CTNNA1: variants seen among roughly 807,000 people sequenced by gnomAD.
The protein encoded by CTNNA1 is catenin alpha-1.
A neutral mutation model predicts 98.4 loss-of-function variants in CTNNA1; 37 were observed. The observed-to-expected ratio is 0.38, with a 90% confidence interval of 0.29 to 0.49. The LOEUF is 0.49. Among genes scored for constraint, CTNNA1 ranks in the 20% least tolerant of loss-of-function variants. The probability of loss-of-function intolerance (pLI) is 0.95; values close to 1 mark genes in which losing one functional copy is unlikely to be tolerated. For missense variants in CTNNA1, 761 were observed against 1,147.2 expected, an observed-to-expected ratio of 0.66 and a Z score of 4.86; for synonymous variants, 404 against 413.2, an observed-to-expected ratio of 0.98 and a Z score of 0.27.
chr5:138,780,229 C>T (rs1444876505), intron 1 of CTNNA1, among the ~76,000 whole-genome samples: 3 of 151,646 alleles, frequency 2.0e-5, no homozygotes, highest in Admixed American at 1.3e-4. Flanking sequence ...CTTGCTCTTT[C>T]GCCCAGGCCG....
At chr5:138,928,048 G>A (rs573882172) in intron 13 of CTNNA1, among the ~76,000 whole-genome samples, 1 of 152,258 alleles carries the variant, frequency 6.6e-6, no homozygotes, top group East Asian at 1.9e-4. Flanking sequence ...CGTTCTTGGT[G>A]GTTCCAGAAT....
chr5:138,757,733 G>A (rs921955700), intron 1 of CTNNA1, among the ~76,000 whole-genome samples: 2 of 142,680 alleles, frequency 1.4e-5, no homozygotes, highest in African/African-American at 3.0e-5. Flanking sequence ...GAGAGTCTTA[G>A]TTCTTGTCTT....
chr5:138,812,575 G>GGTCTTTGT (rs540228237), intron 5 of CTNNA1, among the ~76,000 whole-genome samples: 120 of 152,194 alleles, frequency 7.9e-4, no homozygotes, highest in Middle Eastern at 3.4e-3. Context: ...AGAGGTAATA[G>GGTCTTTGT]GTCTTTGTGT....
intron 13 of CTNNA1, 139 bp from the exon 14 acceptor site, chr5:138,929,107 T>C (rs1764755255): frequency 3.1e-5 from 22 of 707,006 alleles, no homozygotes; most frequent in South Asian, 3.1e-4. Context: ...ATTTTGACTT[T>C]ATTCACCATA....
At chr5:138,784,877 C>G (rs1312551760) in intron 3 of CTNNA1, among the ~76,000 whole-genome samples, 1 of 151,982 alleles carries the variant, frequency 6.6e-6, no homozygotes, top group Non-Finnish European at 1.5e-5. Flanking sequence ...CCAAGTTTCC[C>G]TCTTCTTATA....
At position 138,886,377 on chromosome 5, in the gene CTNNA1, A is replaced by AT. The variant is rs935115923; in HGVS notation, c.1143+92dup. 103 of 1,352,844 alleles carry AT rather than the reference A, an allele frequency of 7.6e-5. 1 individual carries two copies. The highest frequency in any genetic ancestry group is 1.9e-4 in the Middle Eastern group (1 of 5,140). The allele number at this position is 1,352,844 out of a possible 1,614,324, so 83.8% of individuals were successfully genotyped here. On this transcript the variant is annotated intron_variant, in intron 8 of 17. Coordinates refer to ENST00000302763, the MANE Select transcript of CTNNA1 (RefSeq NM_001903.5). ...AAATCCTAATAAGCACTGGCCTTAT[A>AT]TTTTTTTATTGAGAGAAAGGATGGA...
intron 7 of CTNNA1, among the ~76,000 whole-genome samples, chr5:138,843,312 A>G (rs1762423402): frequency 6.6e-6 from 1 of 151,910 alleles, no homozygotes; most frequent in Admixed American, 6.6e-5. Flanking sequence ...GTTAGAAAAA[A>G]CTCATAATAA....
intron 14 of CTNNA1, among the ~76,000 whole-genome samples, chr5:138,930,029 CG>C (rs997602075): frequency 1.3e-5 from 2 of 152,150 alleles, no homozygotes; most frequent in Non-Finnish European, 2.9e-5. Context: ...TGAGTGCCAG[CG>C]GTATCTCTCA....
intron 3 of CTNNA1, among the ~76,000 whole-genome samples, chr5:138,789,736 G>A (rs950073385): frequency 2.0e-5 from 3 of 152,144 alleles, no homozygotes; most frequent in African/African-American, 7.2e-5. Flanking sequence ...GATTACAGGC[G>A]TGAGCCACCG....
At chr5:138,770,291 TC>T (rs1163558489) in intron 1 of CTNNA1, among the ~76,000 whole-genome samples, 1 of 152,184 alleles carries the variant, frequency 6.6e-6, no homozygotes, top group Non-Finnish European at 1.5e-5. Flanking sequence ...AGTCATTCAG[TC>T]TCATGGAAAC....
chr5:138,787,500 A>G (rs906498177), intron 3 of CTNNA1, among the ~76,000 whole-genome samples: 5 of 152,234 alleles, frequency 3.3e-5, no homozygotes, highest in Admixed American at 2.6e-4. Context: ...CAAGATATAA[A>G]GAAATGGTCA....
chr5:138,848,389 T>C (rs1762912561), intron 7 of CTNNA1, among the ~76,000 whole-genome samples: 1 of 152,244 alleles, frequency 6.6e-6, no homozygotes, highest in African/African-American at 2.4e-5. Flanking sequence ...CTTTAAGTCC[T>C]CTTTTTTTTG....
chr5:138,879,227 G>A (rs991060471), intron 7 of CTNNA1, among the ~76,000 whole-genome samples: 5 of 145,896 alleles, frequency 3.4e-5, no homozygotes, highest in South Asian at 2.2e-4. Context: ...CCTAGATGTT[G>A]TGTGTCTTAT....
intron 9 of CTNNA1, among the ~76,000 whole-genome samples, chr5:138,895,183 T>G (rs934578072): frequency 7.2e-5 from 11 of 152,130 alleles, no homozygotes; most frequent in African/African-American, 2.4e-4. Flanking sequence ...TAATAAACAT[T>G]AGAGTTGCCC....
intron 3 of CTNNA1, among the ~76,000 whole-genome samples, chr5:138,792,533 A>T (rs1192113128): frequency 1.3e-5 from 2 of 152,208 alleles, no homozygotes; most frequent in Non-Finnish European, 1.5e-5. Context: ...AGGAGGCAGA[A>T]TGGAATCTGG....
At chr5:138,883,925 T>A (rs565832505) in intron 7 of CTNNA1, among the ~76,000 whole-genome samples, 1 of 152,342 alleles carries the variant, frequency 6.6e-6, no homozygotes, top group African/African-American at 2.4e-5. Context: ...TGCCAGTAAA[T>A]AATTGCACGT....
chr5:138,867,812 G>C (rs1428895097), intron 7 of CTNNA1, among the ~76,000 whole-genome samples: 1 of 151,056 alleles, frequency 6.6e-6, no homozygotes, highest in Non-Finnish European at 1.5e-5. Flanking sequence ...GAGTGCAGTG[G>C]CATGATCTCA....
At chr5:138,909,360 A>G (rs896816160) in intron 10 of CTNNA1, among the ~76,000 whole-genome samples, 2 of 125,860 alleles carry the variant, frequency 1.6e-5, no homozygotes, top group African/African-American at 3.0e-5. Context: ...CTCCCCCCCC[A>G]CCCTTTTTTT....
At chr5:138,887,851 A>G (rs1432270787) in intron 9 of CTNNA1, 1 of 409,978 alleles carries the variant, frequency 2.4e-6, no homozygotes, top group East Asian at 4.2e-5. Context: ...AAATACTAAC[A>G]GTTCCTATCC....
Sources: allele counts gnomAD v4.1 joint callset (sites outside exome capture counted in the v4.1 genomes callset), GRCh38; gene constraint gnomAD v4.1.1; transcripts MANE v1.5; gene names NCBI Gene and HGNC (gene_info 2026-07-23, HGNC 2026-07-21).